The following EPHB1 variants were observed in gnomAD, a reference collection of about 807,000 sequenced individuals.
EPHB1 encodes ephrin type-B receptor 1.
EPHB1 carries 30 observed loss-of-function variants against 94.4 expected under a neutral mutation model. The observed-to-expected ratio is 0.32, with a 90% CI of 0.24 to 0.43. The LOEUF is 0.43. EPHB1 is among the 20% of genes least tolerant of loss of function. The pLI is 1.00. For missense variants in EPHB1, 1,055 were observed against 1,308.3 expected (o/e 0.81, Z 2.99); for synonymous variants, 522 against 489.1 (o/e 1.07, Z -0.89).
intron 4 of EPHB1, among the ~76,000 whole-genome samples, chr3:135,127,496 T>C (rs1940251545): frequency 6.6e-6 from 1 of 152,148 alleles, no homozygotes; most frequent in Non-Finnish European, 1.5e-5. Context: ...GCTTCAGCAA[T>C]GCACAATGAG....
intron 3 of EPHB1, among the ~76,000 whole-genome samples, chr3:135,052,905 A>G (rs1559810872): frequency 9.9e-6 from 1 of 101,176 alleles, no homozygotes; most frequent in African/African-American, 5.8e-5. Flanking sequence ...ATATATATAT[A>G]TATATGTGTG....
At position 135,103,153 on chromosome 3, in the gene EPHB1, GA is replaced by G. The variant is rs568132714; in HGVS notation, c.806-3286del. ...AACTTAAAGTAAAAAAAAGAAAAAA[GA>G]AAAAAAAATCTTTAATAAATGAATT... On this transcript the variant is annotated intron_variant, in intron 3 of 15. Transcript: ENST00000398015. 2.0e-3 allele frequency among the ~76,000 whole-genome samples: 303 copies of G among 150,750 alleles called. 1 individual carries two copies. The highest frequency in any genetic ancestry group is 6.7e-3 in the African/African-American group (274 of 41,132).
intron 12 of EPHB1, 115 bp downstream of exon 12, chr3:135,201,804 T>G: frequency 2.7e-5 from 27 of 995,474 alleles, no homozygotes; most frequent in Non-Finnish European, 4.0e-5. Flanking sequence ...AACTGAGCTC[T>G]CCACTGAAAG....
intron 3 of EPHB1, among the ~76,000 whole-genome samples, chr3:135,056,597 C>T (rs1022851062): frequency 1.3e-5 from 2 of 152,256 alleles, no homozygotes; most frequent in Non-Finnish European, 2.9e-5. Context: ...AGGCCCACAA[C>T]CAGGCAAATG....
rs892228484 is a variant in EPHB1 at position 135,068,838 on chromosome 3, C to T, written c.806-37610C>T. Reference sequence around the variant, plus strand: ...TAATTTTTTGTATTTTTAGTAGAGACGGGGTTTCACCGCGTTAGCCAGGAT... The same window carrying T: ...TAATTTTTTGTATTTTTAGTAGAGATGGGGTTTCACCGCGTTAGCCAGGAT... On this transcript the variant is annotated intron_variant, in intron 3 of 15. Coordinates refer to ENST00000398015, the MANE Select transcript of EPHB1 (RefSeq NM_004441.5). Among the ~76,000 whole-genome samples the T allele has an allele frequency of 3.3e-5, 5 of 150,956 alleles. No homozygotes were observed. The South Asian group carries it at 6.3e-4, about 19-fold the overall frequency.
intron 3 of EPHB1, among the ~76,000 whole-genome samples, chr3:135,020,977 A>G (rs1303027537): frequency 6.6e-6 from 1 of 152,002 alleles, no homozygotes; most frequent in African/African-American, 2.4e-5. Flanking sequence ...TTCCTTCATA[A>G]TTTATTAAGT....
At chr3:135,000,393 A>G (rs942516964) in intron 3 of EPHB1, among the ~76,000 whole-genome samples, 1 of 152,234 alleles carries the variant, frequency 6.6e-6, no homozygotes, top group African/African-American at 2.4e-5. Context: ...TAAGAGGGAA[A>G]AAAATCATTC....
chr3:135,222,550 T>G (rs1210406274), intron 12 of EPHB1, among the ~76,000 whole-genome samples: 1 of 152,228 alleles, frequency 6.6e-6, no homozygotes, highest in African/African-American at 2.4e-5. Context: ...GAAGAGGGCC[T>G]TTCTTTCATG....
chr3:134,807,358 A>T (rs1337273770), intron 1 of EPHB1, among the ~76,000 whole-genome samples: 1 of 152,140 alleles, frequency 6.6e-6, no homozygotes, highest in African/African-American at 2.4e-5. Context: ...GGTGGGGGAG[A>T]CAGAGCCACG....
At chr3:135,047,968 G>T (rs1937050524) in intron 3 of EPHB1, among the ~76,000 whole-genome samples, 1 of 152,194 alleles carries the variant, frequency 6.6e-6, no homozygotes, top group Non-Finnish European at 1.5e-5. Flanking sequence ...TGCCATAGAT[G>T]AAAGATGGAC....
At chr3:134,823,026 C>T (rs1003493406) in intron 1 of EPHB1, among the ~76,000 whole-genome samples, 2 of 152,196 alleles carry the variant, frequency 1.3e-5, no homozygotes, top group Non-Finnish European at 2.9e-5. Context: ...GGGTACATGA[C>T]TCCTCAGGAC....
intron 2 of EPHB1, among the ~76,000 whole-genome samples, chr3:134,928,645 C>T (rs1359929727): frequency 6.6e-6 from 1 of 152,090 alleles, no homozygotes; most frequent in Non-Finnish European, 1.5e-5. Context: ...GAGGCACCCA[C>T]GGGAAGGTGT....
rs188894481 is a variant in EPHB1, at chr3:135,078,107, G to C, written c.806-28341G>C. On this transcript the variant is annotated intron_variant, in intron 3 of 15. Transcript: ENST00000398015. ...TTGAGATTCAATCACAGTTATCTCA[G>C]TTCCTGCATTCCCCCAGGTTCCTGC... is the stretch of plus-strand genomic sequence containing the variant. 3.3e-5 allele frequency among the ~76,000 whole-genome samples: 5 copies of C among 152,328 alleles called. No homozygotes were observed. In the East Asian group the frequency reaches 9.7e-4, roughly 29 times the overall value.
intron 1 of EPHB1, among the ~76,000 whole-genome samples, chr3:134,913,760 G>A (rs545855439): frequency 6.6e-6 from 1 of 152,328 alleles, no homozygotes; most frequent in Admixed American, 6.5e-5. Context: ...AGTGGCTAGA[G>A]CCCCTTCAAC....
chr3:135,058,865 T>A (rs1373321460), intron 3 of EPHB1, among the ~76,000 whole-genome samples: 1 of 152,220 alleles, frequency 6.6e-6, no homozygotes, highest in Non-Finnish European at 1.5e-5. Context: ...TATTACGGTG[T>A]ACTTTTTAAG....
At chr3:135,117,787 G>A (rs544066200) in intron 4 of EPHB1, among the ~76,000 whole-genome samples, 1 of 152,228 alleles carries the variant, frequency 6.6e-6, no homozygotes, top group African/African-American at 2.4e-5. Context: ...ACTCCTCTGA[G>A]TCACCTCAGA....
chr3:135,006,087 G>A (rs1935400989), intron 3 of EPHB1, among the ~76,000 whole-genome samples: 1 of 152,198 alleles, frequency 6.6e-6, no homozygotes, highest in Non-Finnish European at 1.5e-5. Flanking sequence ...CTTCCGCCAT[G>A]ATTGTAAGTT....
intron 5 of EPHB1, among the ~76,000 whole-genome samples, chr3:135,135,110 T>C (rs1343415279): frequency 6.6e-6 from 1 of 152,156 alleles, no homozygotes; most frequent in East Asian, 1.9e-4. Flanking sequence ...CCTTTAATCT[T>C]AATCATCCCC....
chr3:134,925,190 G>A (rs893904246), intron 1 of EPHB1, among the ~76,000 whole-genome samples: 1 of 152,202 alleles, frequency 6.6e-6, no homozygotes, highest in African/African-American at 2.4e-5. Context: ...TCACCTGCAT[G>A]GTAGGCTGCT....
Sources: allele counts gnomAD v4.1 joint callset (sites outside exome capture counted in the v4.1 genomes callset), GRCh38; gene constraint gnomAD v4.1.1; transcripts MANE v1.5; gene names NCBI Gene and HGNC (gene_info 2026-07-23, HGNC 2026-07-21).